Variants in ZC3H12B observed in about 807,000 individuals in gnomAD.
ZC3H12B encodes the protein zinc finger CCCH-type containing 12B.
A neutral mutation model predicts 43.9 loss-of-function variants in ZC3H12B; 7 were observed. The ratio of observed to expected loss-of-function variants is 0.16; its 90% confidence interval spans 0.09 to 0.30. The LOEUF is 0.30. ZC3H12B is among the 10% of genes least tolerant of loss of function. ZC3H12B has a pLI of 1.00. For synonymous variants in ZC3H12B, 222 were observed against 241.7 expected, an observed-to-expected ratio of 0.92 and a Z score of 0.76; for missense variants, 475 against 670.2, an observed-to-expected ratio of 0.71 and a Z score of 3.22.
chrX:65,240,033 A>G, the ZC3H12B span, among the ~76,000 whole-genome samples: 1 of 111,216 alleles, frequency 9.0e-6, no homozygotes, highest in African/African-American at 3.3e-5. Context: ...ATCTTGAAGA[A>G]TCTGATGATT....
chrX:65,377,665 A>G (rs2066365394), intron 2 of ZC3H12B, among the ~76,000 whole-genome samples: 1 of 111,863 alleles, frequency 8.9e-6, no homozygotes, highest in African/African-American at 3.2e-5. Context: ...ACCAAAAAAA[A>G]ATTCTTCAAA....
chrX:65,428,444 T>C (rs1293163465), intron 3 of ZC3H12B, among the ~76,000 whole-genome samples: 2 of 112,521 alleles, frequency 1.8e-5, no homozygotes, highest in African/African-American at 6.5e-5. Flanking sequence ...TTGGAGGTTT[T>C]GTTCATGTTT....
At chrX:65,377,216 G>C (rs1386703539) in intron 2 of ZC3H12B, among the ~76,000 whole-genome samples, 19 of 106,769 alleles carry the variant, frequency 1.8e-4, no homozygotes, top group Non-Finnish European at 7.6e-5. Context: ...TATACAGTCC[G>C]AGGAGACAAA....
chrX:65,350,712 G>A, the ZC3H12B span, among the ~76,000 whole-genome samples: 4 of 111,417 alleles, frequency 3.6e-5, no homozygotes, highest in Non-Finnish European at 5.7e-5. Context: ...GTGAACTCCC[G>A]TTCACATTTG....
intron 2 of ZC3H12B, among the ~76,000 whole-genome samples, chrX:65,376,332 G>C (rs1035889291): frequency 1.8e-5 from 2 of 112,020 alleles, no homozygotes; most frequent in Non-Finnish European, 3.8e-5. Context: ...GGACTGCCCT[G>C]GTACTGGAGA....
At chrX:65,279,532 G>A in the ZC3H12B span, among the ~76,000 whole-genome samples, 1 of 110,826 alleles carries the variant, frequency 9.0e-6, no homozygotes, top group African/African-American at 3.3e-5. Flanking sequence ...GAAGATTTAA[G>A]CTGGACCCCA....
chrX:65,468,209 G>T (rs998863570), intron 3 of ZC3H12B, among the ~76,000 whole-genome samples: 2 of 111,540 alleles, frequency 1.8e-5, no homozygotes, highest in African/African-American at 6.5e-5. Context: ...ATTGAATATG[G>T]TGTACTTTCC....
intron 2 of ZC3H12B, among the ~76,000 whole-genome samples, chrX:65,388,135 C>T (rs767752893): frequency 5.4e-5 from 6 of 111,265 alleles, no homozygotes; most frequent in Non-Finnish European, 9.4e-5. Flanking sequence ...TTGCTCTTCT[C>T]GAGGAGTATC....
chrX:65,488,198 A>C (rs2068154397), upstream of ZC3H12B, among the ~76,000 whole-genome samples: 1 of 110,915 alleles, frequency 9.0e-6, no homozygotes, highest in South Asian at 3.9e-4. Context: ...AGTGGATTTT[A>C]GCCTTAGCAA....
At chrX:65,503,644 TCTCA>T (rs1179096504) in exon 5 of ZC3H12B, 2 of 111,049 alleles carry the variant, frequency 1.8e-5, no homozygotes, top group African/African-American at 7.0e-5. Context: ...TGAGACAGAA[TCTCA>T]CTCTGTTACA....
chrX:65,145,282 TC>T, the ZC3H12B span, among the ~76,000 whole-genome samples: 1 of 109,081 alleles, frequency 9.2e-6, no homozygotes, highest in East Asian at 2.9e-4. Flanking sequence ...GTTTGTTGTG[TC>T]TGATATTCCT....
chrX:65,469,336 C>T (rs1327387660), intron 3 of ZC3H12B: 3 of 379,180 alleles, frequency 7.9e-6, no homozygotes, highest in Non-Finnish European at 1.5e-5. Context: ...GTTATAGAGT[C>T]TGCCAACCTG....
chrX:65,379,673 C>T lies in ZC3H12B; in HGVS notation n.295+10675C>T, dbSNP rs754155921. Among the ~76,000 whole-genome samples, 6 of 112,068 alleles carry T rather than the reference C, an allele frequency of 5.4e-5. No homozygotes were observed. In the Admixed American group the frequency reaches 5.7e-4, roughly 11 times the overall value. Reference sequence around the variant, plus strand: ...CAAATTAATCCAAGCTACGGGAGGACATTCAAACCAAACGCAAAGAAGTTG... The same window carrying T: ...CAAATTAATCCAAGCTACGGGAGGATATTCAAACCAAACGCAAAGAAGTTG... On this transcript the variant is annotated intron_variant and non_coding_transcript_variant, in intron 2 of 5. Coordinates refer to the ZC3H12B transcript ENST00000617377.
At chrX:65,440,639 T>C (rs1423867064) in intron 3 of ZC3H12B, among the ~76,000 whole-genome samples, 3 of 112,273 alleles carry the variant, frequency 2.7e-5, no homozygotes, top group African/African-American at 6.5e-5. Context: ...GCCAAAGGGA[T>C]AGTAAAGAAA....
the ZC3H12B span, among the ~76,000 whole-genome samples, chrX:65,175,703 T>C: frequency 9.0e-6 from 1 of 111,724 alleles, no homozygotes; most frequent in Non-Finnish European, 1.9e-5. Flanking sequence ...TGGGACTGGT[T>C]GCACAGTGAG....
the ZC3H12B span, among the ~76,000 whole-genome samples, chrX:65,227,249 C>T: frequency 2.7e-5 from 3 of 111,492 alleles, no homozygotes; most frequent in Middle Eastern, 4.2e-3. Context: ...CGCTCAACTA[C>T]ATGGAAACTG....
the ZC3H12B span, among the ~76,000 whole-genome samples, chrX:65,340,439 G>C: frequency 4.5e-5 from 5 of 111,977 alleles, no homozygotes; most frequent in Admixed American, 9.4e-5. Context: ...AAACACTCTG[G>C]CTAGGACCAC....
the ZC3H12B span, among the ~76,000 whole-genome samples, chrX:65,222,602 AAATAATAATAATAATAATAATAATAAT>A: frequency 4.4e-5 from 4 of 91,161 alleles, no homozygotes; most frequent in African/African-American, 1.2e-4. Context: ...AATAGCTGCA[AAATAATAATAATAATAATAATAATAAT>A]AATAATAATA....
the ZC3H12B span, among the ~76,000 whole-genome samples, chrX:65,204,899 G>A: frequency 3.6e-5 from 4 of 111,800 alleles, no homozygotes; most frequent in African/African-American, 3.2e-5. Flanking sequence ...TCTTTTCTCT[G>A]CAGCTTTTAT....
Sources: allele counts gnomAD v4.1 joint callset (sites outside exome capture counted in the v4.1 genomes callset), GRCh38; gene constraint gnomAD v4.1.1; transcripts MANE v1.5; gene names NCBI Gene and HGNC (gene_info 2026-07-23, HGNC 2026-07-21).